PCDHGA11: variants seen among roughly 807,000 people sequenced by gnomAD.
PCDHGA11 encodes the protein protocadherin gamma subfamily A, 11.
Under a neutral mutation model 60.4 loss-of-function variants are expected in PCDHGA11, and 39 were observed. That is an observed-to-expected ratio of 0.65 (90% CI 0.50 to 0.84). The LOEUF (loss-of-function observed/expected upper bound fraction) is 0.84. PCDHGA11 is among the 40% of genes least tolerant of loss of function. The probability of loss-of-function intolerance (pLI) is 0.00; values close to 1 mark genes in which losing one functional copy is unlikely to be tolerated. For missense variants in PCDHGA11, 1,165 were observed against 1,197.7 expected (o/e 0.97, Z 0.40); for synonymous variants, 533 against 510.3 (o/e 1.04, Z -0.60).
chr5:141,491,855 G>A lies in PCDHGA11; in HGVS notation c.2434-2952G>A. ...TTCTCGGGATCATTGGACCGTTTGC[G>A]CGAAACCAGAGTGGCCGATTAAGGG... On this transcript the variant is annotated intron_variant, in intron 1 of 3. Coordinates refer to ENST00000398587, the MANE Select transcript of PCDHGA11 (RefSeq NM_018914.3). The surrounding 1 kb of genome is among the most constrained non-coding windows in gnomAD (Gnocchi z 6.9). The A allele has an allele frequency of 2.7e-6, 4 of 1,459,380 alleles. No individual in the cohort carries two copies. The highest frequency in any genetic ancestry group is 3.6e-6 in the Non-Finnish European group (4 of 1,103,492). The allele number at this position is 1,459,380 out of a possible 1,614,324, so 90.4% of individuals were successfully genotyped here. A position where few individuals can be genotyped will look rare whatever the true frequency, so the allele number is the denominator to read the frequency against.
chr5:141,505,182 C>T (rs1302018549), intron 2 of PCDHGA11, among the ~76,000 whole-genome samples: 2 of 152,094 alleles, frequency 1.3e-5, no homozygotes, highest in East Asian at 3.9e-4. Context: ...AAAAAAGCAT[C>T]GGAGGCAGCA....
chr5:141,504,680 A>G (rs912248504), intron 2 of PCDHGA11, among the ~76,000 whole-genome samples: 1 of 150,294 alleles, frequency 6.7e-6, no homozygotes, highest in Non-Finnish European at 1.5e-5. Flanking sequence ...GGGTTCTTGT[A>G]AAATAGGAGG....
chr5:141,511,010 A>G lies in PCDHGA11; in HGVS notation c.2645A>G (p.Tyr882Cys), dbSNP rs1286219897. 6.2e-6 allele frequency: 10 copies of G among 1,614,054 alleles called. No homozygotes were observed. Among genetic ancestry groups the G allele is most frequent in the African/African-American group, 1.3e-5 (1 of 74,916 alleles). Residue 882 changes from tyrosine to cysteine, a missense_variant, in exon 4 of 4, where the codon TAC becomes TGC. By Grantham distance (194) the Tyr-to-Cys change is radical (BLOSUM62 -2). Coordinates refer to ENST00000398587, the MANE Select transcript of PCDHGA11 (RefSeq NM_018914.3). ...GGCACCATGGGATTGAGCGCCCGCT[A>G]CGGACCCCAGTTCACCCTGCAGCAC... Reference protein sequence around the residue: ...GAGTMGLSARYGPQFTLQHVP... With the variant: ...GAGTMGLSARCGPQFTLQHVP...
chr5:141,493,250 C>T lies in PCDHGA11; in HGVS notation c.2434-1557C>T, dbSNP rs1330348553. On this transcript the variant is annotated intron_variant, in intron 1 of 3. Coordinates refer to ENST00000398587, the MANE Select transcript of PCDHGA11 (RefSeq NM_018914.3). The surrounding 1 kb of genome is among the most constrained non-coding windows in gnomAD (Gnocchi z 4.3). ...TGCTGTTGGCTAGGTACTAACATGC[C>T]TCTCTTATAACAGCTTCACAGAGGT... Among the ~76,000 whole-genome samples the T allele has an allele frequency of 1.3e-5, 2 of 152,154 alleles. No homozygotes were observed. Among genetic ancestry groups the T allele is most frequent in the Non-Finnish European group, 2.9e-5 (2 of 68,024 alleles).
Position 141,487,193 on chromosome 5 carries a change from C to T in PCDHGA11, c.2434-7614C>T. 6.2e-7 allele frequency: 1 copy of T among 1,613,784 alleles called. No individual in the cohort carries two copies. Among genetic ancestry groups the T allele is most frequent in the Non-Finnish European group, 8.5e-7 (1 of 1,179,724 alleles). On this transcript the variant is annotated intron_variant, in intron 1 of 3. Transcript: ENST00000398587. The surrounding 1 kb of genome is among the most constrained non-coding windows in gnomAD (Gnocchi z 5.0). ...AGAGGAAGACACTCATCCAGTTGTC[C>T]CAGATCTTCGAGAATCTTCAGCTCC...
intron 1 of PCDHGA11, chr5:141,426,748 C>T: frequency 2.2e-6 from 1 of 455,172 alleles, no homozygotes; most frequent in African/African-American, 2.0e-5. Context: ...GGCCTGGAAT[C>T]TGCTATAGAT....
intron 3 of PCDHGA11, among the ~76,000 whole-genome samples, chr5:141,507,861 C>T (rs538942097): frequency 7.0e-4 from 106 of 152,306 alleles, no homozygotes; most frequent in African/African-American, 2.5e-3. Flanking sequence ...CTTTCACACC[C>T]GCTTCCTAGC....
At chr5:141,434,535 A>G (rs939961995) in intron 1 of PCDHGA11, among the ~76,000 whole-genome samples, 1 of 152,230 alleles carries the variant, frequency 6.6e-6, no homozygotes, top group African/African-American at 2.4e-5. Flanking sequence ...ACCACAAACA[A>G]TAGCATGAGT....
At position 141,422,953 on chromosome 5, in the gene PCDHGA11, G is replaced by A; in HGVS notation, c.1726G>A (p.Val576Met). Residue 576 changes from valine to methionine, a missense_variant, in exon 1 of 4, where the codon GTG becomes ATG. Transcript: ENST00000398587. ...PALPTDGSTG[V>M]ELAPRSAEPG... Reference sequence around the variant, plus strand: ...CCTCCCCACAGACGGCTCCACTGGCGTGGAGCTGGCGCCCCGCTCTGCGGA... The same window carrying A: ...CCTCCCCACAGACGGCTCCACTGGCATGGAGCTGGCGCCCCGCTCTGCGGA... The A allele has an allele frequency of 6.2e-7, 1 of 1,614,232 alleles. No individual in the cohort carries two copies. The highest frequency in any genetic ancestry group is 8.5e-7 in the Non-Finnish European group (1 of 1,180,038).
intron 2 of PCDHGA11, among the ~76,000 whole-genome samples, chr5:141,501,728 C>A (rs1284130771): frequency 1.3e-5 from 2 of 152,134 alleles, no homozygotes; most frequent in East Asian, 1.9e-4. Flanking sequence ...ATATATTACC[C>A]AGTCAGCTTA....
chr5:141,428,729 ATAT>A (rs2097158318), intron 1 of PCDHGA11: 2 of 159,768 alleles, frequency 1.3e-5, no homozygotes. Flanking sequence ...AATCTTAAAC[ATAT>A]TATATCTACT....
chr5:141,447,558 G>T (rs551305232), intron 1 of PCDHGA11, among the ~76,000 whole-genome samples: 1 of 152,264 alleles, frequency 6.6e-6, no homozygotes, highest in African/African-American at 2.4e-5. Context: ...GAGTACACTT[G>T]GAGGATTCTA....
At position 141,422,169 on chromosome 5, in the gene PCDHGA11, A is replaced by G. The variant is rs1386896405; in HGVS notation, c.942A>G (p.Arg314=). 2.6e-6 allele frequency: 4 copies of G among 1,563,898 alleles called. No homozygotes were observed. In the South Asian group the frequency reaches 4.9e-5, roughly 19 times the overall value. The change falls in exon 1 of 4, where the codon AGA becomes AGG. Residue 314 remains arginine (R), a synonymous_variant. Coordinates refer to ENST00000398587, the MANE Select transcript of PCDHGA11 (RefSeq NM_018914.3). ...VRGSLDFEKY[R]FYEMEIQGQD... is the part of the protein sequence containing the mutation. ...GGTCTCTGGATTTTGAAAAATATAG[A>G]TTCTATGAGATGGAAATTCAAGGCC...
In PCDHGA11 at chr5:141,421,160, A is replaced by T; in HGVS notation, c.-68A>T. The T allele has an allele frequency of 8.0e-7, 1 of 1,250,104 alleles. No individual in the cohort carries two copies. Among genetic ancestry groups the T allele is most frequent in the Non-Finnish European group, 1.1e-6 (1 of 920,588 alleles). The allele number at this position is 1,250,104 out of a possible 1,614,324, so 77.4% of individuals were successfully genotyped here. On this transcript the variant is annotated 5_prime_UTR_variant, in exon 1 of 4. Transcript: ENST00000398587. ...TTGGATGTAGTCGGCCTAGGACTTCATAGATACATAAGCCGATTCACAACC... is the reference window on the plus strand; with the variant it reads ...TTGGATGTAGTCGGCCTAGGACTTCTTAGATACATAAGCCGATTCACAACC...
At chr5:141,444,056 A>G (rs1055292734) in intron 1 of PCDHGA11, among the ~76,000 whole-genome samples, 7 of 151,740 alleles carry the variant, frequency 4.6e-5, no homozygotes, top group Non-Finnish European at 7.4e-5. Context: ...GGCATCTTCA[A>G]TCTAGATTCT....
In PCDHGA11 at chr5:141,491,867, T is replaced by A. The variant is rs1424221139; in HGVS notation, c.2434-2940T>A. On this transcript the variant is annotated intron_variant, in intron 1 of 3. Transcript: ENST00000398587. The surrounding 1 kb of genome is among the most constrained non-coding windows in gnomAD (Gnocchi z 6.9). ...TTGGACCGTTTGCGCGAAACCAGAG[T>A]GGCCGATTAAGGGATGGGGCTCCGA... 6.9e-7 allele frequency: 1 copy of A among 1,452,218 alleles called. No homozygotes were observed. The highest frequency in any genetic ancestry group is 9.1e-7 in the Non-Finnish European group (1 of 1,099,056). The allele number at this position is 1,452,218 out of a possible 1,614,324, so 90.0% of individuals were successfully genotyped here. A position where few individuals can be genotyped will look rare whatever the true frequency, so the allele number is the denominator to read the frequency against.
intron 1 of PCDHGA11, among the ~76,000 whole-genome samples, chr5:141,454,743 G>A (rs1050167077): frequency 6.7e-6 from 1 of 149,684 alleles, no homozygotes; most frequent in African/African-American, 2.5e-5. Context: ...ATGAAAAGAG[G>A]CCAAACTAAT....
chr5:141,509,499 T>C (rs895353804), intron 3 of PCDHGA11, among the ~76,000 whole-genome samples: 1 of 152,128 alleles, frequency 6.6e-6, no homozygotes, highest in Non-Finnish European at 1.5e-5. Flanking sequence ...GCATGCTGGA[T>C]GTGACGGTGT....
In PCDHGA11 at chr5:141,476,702, C is replaced by A. The variant is rs751321222; in HGVS notation, c.2434-18105C>A. 1.4e-5 allele frequency: 23 copies of A among 1,614,104 alleles called. No individual in the cohort carries two copies. Among genetic ancestry groups the A allele is most frequent in the Non-Finnish European group, 1.7e-5 (20 of 1,180,050 alleles). ...GGAGGACAGCACCAAGTACGCGGAG[C>A]TGGTGTTGGAGCGCGCCCTGGACCG... is the stretch of plus-strand genomic sequence containing the variant. On this transcript the variant is annotated intron_variant, in intron 1 of 3. Coordinates refer to ENST00000398587, the MANE Select transcript of PCDHGA11 (RefSeq NM_018914.3). The surrounding 1 kb of genome is among the most constrained non-coding windows in gnomAD (Gnocchi z 7.6).
Sources: allele counts gnomAD v4.1 joint callset (sites outside exome capture counted in the v4.1 genomes callset), GRCh38; gene constraint gnomAD v4.1.1; non-coding constraint Gnocchi (gnomAD v3.1); transcripts MANE v1.5; gene names NCBI Gene and HGNC (gene_info 2026-07-23, HGNC 2026-07-21).